RP1: variants seen among roughly 807,000 people sequenced by gnomAD.
The protein encoded by RP1 is RP1 axonemal microtubule associated, also known as oxygen-regulated protein 1.
RP1 carries 16 observed loss-of-function variants against 14.8 expected under a neutral mutation model. The ratio of observed to expected loss-of-function variants is 1.08; its 90% CI spans 0.73 to 1.65. The LOEUF is 1.65. Ranked by LOEUF, RP1 falls within the 40% of genes most tolerant of loss-of-function variation. The probability of loss-of-function intolerance (pLI) is 0.00; values close to 1 mark genes in which losing one functional copy is unlikely to be tolerated. For missense variants in RP1, 2,631 were observed against 2,535.0 expected (o/e 1.04, Z -0.81); for synonymous variants, 876 against 883.6 (o/e 0.99, Z 0.15).
intron 1 of RP1, among the ~76,000 whole-genome samples, chr8:54,597,878 T>G (rs1170933422): frequency 2.0e-5 from 3 of 152,110 alleles, no homozygotes; most frequent in Admixed American, 6.5e-5. Flanking sequence ...TGTTTTTTTT[T>G]GGGTTGATGA....
chr8:54,750,055 T>C (rs1809320242), intron 19 of RP1, among the ~76,000 whole-genome samples: 1 of 151,962 alleles, frequency 6.6e-6, no homozygotes, highest in Non-Finnish European at 1.5e-5. Flanking sequence ...CCAAGTACAG[T>C]AGGAGTCAGG....
At chr8:54,583,227 T>G (rs1475732185) in intron 1 of RP1, among the ~76,000 whole-genome samples, 1 of 152,200 alleles carries the variant, frequency 6.6e-6, no homozygotes. Context: ...TGAATTTTGT[T>G]GAAGGCCTTT....
chr8:54,664,531 T>C (rs1301938308), intron 7 of RP1, among the ~76,000 whole-genome samples: 4 of 152,158 alleles, frequency 2.6e-5, no homozygotes, highest in Admixed American at 2.6e-4. Flanking sequence ...AGGGTTCCAG[T>C]TTTGCCATCT....
chr8:54,717,965 A>T (rs1808444668), intron 15 of RP1, among the ~76,000 whole-genome samples: 1 of 152,184 alleles, frequency 6.6e-6, no homozygotes. Context: ...TGGAATTTAA[A>T]ATTAAAAACA....
chr8:54,727,572 T>C (rs1808687554), intron 17 of RP1, among the ~76,000 whole-genome samples: 1 of 152,136 alleles, frequency 6.6e-6, no homozygotes, highest in Admixed American at 6.6e-5. Flanking sequence ...GTTACCATTA[T>C]GAAATTTTTA....
At chr8:54,728,128 C>G (rs1808702616) in intron 17 of RP1, among the ~76,000 whole-genome samples, 1 of 152,080 alleles carries the variant, frequency 6.6e-6, no homozygotes, top group South Asian at 2.1e-4. Context: ...TTTGCCTTCT[C>G]TGATTGCAGT....
At chr8:54,845,000 C>A (rs1318051937) in intron 25 of RP1, among the ~76,000 whole-genome samples, 1 of 152,188 alleles carries the variant, frequency 6.6e-6, no homozygotes, top group Non-Finnish European at 1.5e-5. Context: ...TCTTCAGTCA[C>A]TCCACAGGCT....
chr8:54,596,129 A>T (rs1201739971), intron 1 of RP1, among the ~76,000 whole-genome samples: 2 of 152,230 alleles, frequency 1.3e-5, no homozygotes. Flanking sequence ...ATAAGACTAT[A>T]ATAGACTTCA....
intron 19 of RP1, among the ~76,000 whole-genome samples, chr8:54,754,093 G>C (rs1809440427): frequency 6.6e-6 from 1 of 152,142 alleles, no homozygotes; most frequent in Non-Finnish European, 1.5e-5. Flanking sequence ...AGGGGCCTTT[G>C]TGTGGAACAG....
chr8:54,689,051 G>A (rs1807640831), intron 12 of RP1, among the ~76,000 whole-genome samples: 1 of 152,070 alleles, frequency 6.6e-6, no homozygotes. Flanking sequence ...TGGATTCCTA[G>A]GTGTTTTATT....
At chr8:54,609,234 G>A (rs1805533145) in intron 1 of RP1, among the ~76,000 whole-genome samples, 1 of 152,008 alleles carries the variant, frequency 6.6e-6, no homozygotes, top group South Asian at 2.1e-4. Flanking sequence ...GCCAAGGTAG[G>A]AGGATTACTT....
chr8:54,815,825 TTCATATTTGGC>T (rs1811122220), intron 24 of RP1, among the ~76,000 whole-genome samples: 1 of 152,208 alleles, frequency 6.6e-6, no homozygotes, highest in Admixed American at 6.5e-5. Flanking sequence ...AGAAAGATAG[TTCATATTTGGC>T]TCAGCTGTAG....
chr8:54,609,878 C>T (rs931953066), intron 1 of RP1, among the ~76,000 whole-genome samples: 2 of 152,222 alleles, frequency 1.3e-5, no homozygotes, highest in African/African-American at 4.8e-5. Context: ...GCTCCAAGAG[C>T]TCCCTGCTCT....
At chr8:54,719,331 A>G (rs554800401) in intron 15 of RP1, among the ~76,000 whole-genome samples, 2 of 152,328 alleles carry the variant, frequency 1.3e-5, no homozygotes, top group East Asian at 3.9e-4. Context: ...GAAATTGCTT[A>G]CTTTATAAAA....
At chr8:54,817,829 C>A (rs1027078422) in intron 24 of RP1, among the ~76,000 whole-genome samples, 2 of 152,080 alleles carry the variant, frequency 1.3e-5, no homozygotes, top group Admixed American at 6.5e-5. Flanking sequence ...AATATGTACT[C>A]TTCATTTTAA....
At chr8:54,844,495 C>T (rs1024597446) in intron 25 of RP1, among the ~76,000 whole-genome samples, 6 of 151,744 alleles carry the variant, frequency 4.0e-5, no homozygotes, top group African/African-American at 9.7e-5. Flanking sequence ...CGTGTGTAGA[C>T]ATGCTTGTCT....
downstream of RP1, among the ~76,000 whole-genome samples, chr8:54,634,807 C>T (rs554145828): frequency 2.2e-4 from 33 of 152,212 alleles, no homozygotes; most frequent in African/African-American, 7.0e-4. Flanking sequence ...ATGGGCTGGG[C>T]GCAGTGGCTC....
At chr8:54,837,451 T>C (rs1179235994) in exon 25 of RP1, 1 of 1,217,322 alleles carries the variant, frequency 8.2e-7, no homozygotes, top group Non-Finnish European at 1.0e-6. Context: ...GTGTTGCAGA[T>C]TAATCTCAAA....
chr8:54,851,973 G>A (rs555818278), intron 25 of RP1, among the ~76,000 whole-genome samples: 13 of 152,108 alleles, frequency 8.5e-5, no homozygotes, highest in African/African-American at 2.2e-4. Context: ...AAGAACAATC[G>A]CTTTTCTAAT....
Sources: allele counts gnomAD v4.1 joint callset (sites outside exome capture counted in the v4.1 genomes callset), GRCh38; gene constraint gnomAD v4.1.1; transcripts MANE v1.5; gene names NCBI Gene and HGNC (gene_info 2026-07-23, HGNC 2026-07-21).